Variants in RBFOX1 observed in about 807,000 individuals in gnomAD.
The protein encoded by RBFOX1 is RNA binding fox-1 homolog 1.
RBFOX1 carries 8 observed loss-of-function variants against 57.7 expected under a neutral mutation model. The observed-to-expected ratio is 0.14, with a 90% confidence interval of 0.08 to 0.25. The LOEUF (loss-of-function observed/expected upper bound fraction) is 0.25. Ranked by LOEUF, RBFOX1 falls within the 10% of genes least tolerant of loss-of-function variation. The pLI is 1.00. For synonymous variants in RBFOX1, 326 were observed against 222.4 expected, an observed-to-expected ratio of 1.47 and a Z score of -4.15; for missense variants, 611 against 548.5, an observed-to-expected ratio of 1.11 and a Z score of -1.14.
chr16:6,862,827 A>T (rs2059250336), intron 3 of RBFOX1, among the ~76,000 whole-genome samples: 1 of 152,100 alleles, frequency 6.6e-6, no homozygotes, highest in South Asian at 2.1e-4. Flanking sequence ...TCTACTAAAA[A>T]TACAAAAATT....
intron 1 of RBFOX1, among the ~76,000 whole-genome samples, chr16:5,352,591 A>G (rs1044244356): frequency 1.3e-5 from 2 of 152,176 alleles, no homozygotes; most frequent in Non-Finnish European, 2.9e-5. Flanking sequence ...CCTAAGATCA[A>G]ACACATTCTC....
intron 1 of RBFOX1, among the ~76,000 whole-genome samples, chr16:6,099,209 CAAAG>C (rs2096277864): frequency 2.0e-5 from 3 of 152,218 alleles, no homozygotes; most frequent in African/African-American, 7.2e-5. Flanking sequence ...GAAAATTGGC[CAAAG>C]AAAGTGTTAA....
chr16:7,168,044 C>T (rs540443271), intron 4 of RBFOX1, among the ~76,000 whole-genome samples: 10 of 152,120 alleles, frequency 6.6e-5, no homozygotes, highest in Admixed American at 6.5e-4. Flanking sequence ...TTTTTTCCTC[C>T]TTAGAGGAAA....
At chr16:7,651,438 C>G (rs1176745623) in intron 11 of RBFOX1, among the ~76,000 whole-genome samples, 1 of 152,206 alleles carries the variant, frequency 6.6e-6, no homozygotes, top group African/African-American at 2.4e-5. Flanking sequence ...CCCGTCCAAC[C>G]TCCTTGGTCG....
chr16:7,440,047 G>C (rs553457834), intron 4 of RBFOX1, among the ~76,000 whole-genome samples: 135 of 149,762 alleles, frequency 9.0e-4, no homozygotes, highest in Non-Finnish European at 1.6e-3. Flanking sequence ...CATCTCCCGG[G>C]TTCAGGTGAT....
At chr16:6,492,819 G>A (rs1474110562) in intron 2 of RBFOX1, among the ~76,000 whole-genome samples, 1 of 152,178 alleles carries the variant, frequency 6.6e-6, no homozygotes, top group Non-Finnish European at 1.5e-5. Context: ...TATGAGTGAG[G>A]AAGAGCCCAA....
chr16:7,665,421 T>C (rs554427185), intron 13 of RBFOX1, among the ~76,000 whole-genome samples: 1 of 152,288 alleles, frequency 6.6e-6, no homozygotes, highest in South Asian at 2.1e-4. Flanking sequence ...GGAACACTCT[T>C]TCTCTCTCTA....
At chr16:5,953,727 A>ATATATATATAT (rs369925781) in intron 4 of RBFOX1, among the ~76,000 whole-genome samples, 97 of 109,018 alleles carry the variant, frequency 8.9e-4, no homozygotes, top group South Asian at 5.5e-3. Flanking sequence ...TATATATATA[A>ATATATATATAT]AAAACACATT....
At chr16:6,339,877 C>A (rs923322391) in intron 2 of RBFOX1, among the ~76,000 whole-genome samples, 1 of 151,794 alleles carries the variant, frequency 6.6e-6, no homozygotes, top group Non-Finnish European at 1.5e-5. Flanking sequence ...GAGGGTTTTA[C>A]CATCTTGGCC....
intron 4 of RBFOX1, among the ~76,000 whole-genome samples, chr16:7,411,182 G>C (rs1481504910): frequency 6.6e-6 from 1 of 152,000 alleles, no homozygotes; most frequent in Non-Finnish European, 1.5e-5. Flanking sequence ...TTGACCTCAG[G>C]TGATCTGCCC....
chr16:6,877,325 A>G (rs1021347744), intron 3 of RBFOX1, among the ~76,000 whole-genome samples: 1 of 152,180 alleles, frequency 6.6e-6, no homozygotes, highest in South Asian at 2.1e-4. Context: ...CATCTGGCAG[A>G]GCTAATCTTT....
chr16:7,610,386 T>A (rs1235699189), intron 10 of RBFOX1, among the ~76,000 whole-genome samples: 2 of 151,890 alleles, frequency 1.3e-5, no homozygotes, highest in African/African-American at 4.8e-5. Context: ...TATTTATTTT[T>A]TTTTTTAATA....
intron 3 of RBFOX1, among the ~76,000 whole-genome samples, chr16:7,013,819 A>C (rs940531002): frequency 6.6e-6 from 1 of 152,070 alleles, no homozygotes; most frequent in African/African-American, 2.4e-5. Flanking sequence ...CAACATGCCC[A>C]GTTAATTTTT....
At chr16:5,285,813 C>G (rs952317207) in intron 1 of RBFOX1, among the ~76,000 whole-genome samples, 2 of 152,102 alleles carry the variant, frequency 1.3e-5, no homozygotes, top group Non-Finnish European at 2.9e-5. Flanking sequence ...TGCTCTGTCA[C>G]CAGGCTGGAG....
chr16:7,032,009 G>A (rs553343466), intron 3 of RBFOX1, among the ~76,000 whole-genome samples: 63 of 152,286 alleles, frequency 4.1e-4, no homozygotes, highest in African/African-American at 1.4e-3. Context: ...TCCTGGCTTT[G>A]CTCACATCTG....
chr16:6,246,672 A>G (rs754949832), intron 1 of RBFOX1, among the ~76,000 whole-genome samples: 6 of 152,230 alleles, frequency 3.9e-5, no homozygotes, highest in African/African-American at 7.2e-5. Context: ...ACAGTCATCT[A>G]TGGAGGCAAG....
At chr16:5,856,563 ATGTGTGTGTG>A (rs1317876935) in intron 3 of RBFOX1, among the ~76,000 whole-genome samples, 16 of 66,944 alleles carry the variant, frequency 2.4e-4, no homozygotes, top group Non-Finnish European at 3.9e-4. Flanking sequence ...GTGTGTGTGT[ATGTGTGTGTG>A]TGTATATATA....
intron 3 of RBFOX1, among the ~76,000 whole-genome samples, chr16:7,040,902 G>GT (rs1242636814): frequency 6.8e-5 from 6 of 88,378 alleles, no homozygotes; most frequent in Admixed American, 2.3e-4. Flanking sequence ...TTTTTGTTTT[G>GT]TTTTTTTGTT....
intron 3 of RBFOX1, among the ~76,000 whole-genome samples, chr16:6,986,429 C>T (rs960968478): frequency 4.6e-5 from 7 of 151,902 alleles, no homozygotes; most frequent in African/African-American, 1.7e-4. Flanking sequence ...GAACTCCTGA[C>T]CTCAAGTGAT....
Sources: allele counts gnomAD v4.1 joint callset (sites outside exome capture counted in the v4.1 genomes callset), GRCh38; gene constraint gnomAD v4.1.1; transcripts MANE v1.5; gene names NCBI Gene and HGNC (gene_info 2026-07-23, HGNC 2026-07-21).